IFT20: variants seen among roughly 807,000 people sequenced by gnomAD.
IFT20 encodes the protein intraflagellar transport 20.
A neutral mutation model predicts 16.9 loss-of-function variants in IFT20; 4 were observed. That is an observed-to-expected ratio of 0.24 (90% CI 0.12 to 0.54). The LOEUF is 0.54. Ranked by LOEUF, IFT20 falls within the 20% of genes least tolerant of loss-of-function variation. The pLI, the probability that IFT20 is intolerant of heterozygous loss-of-function variation, is 0.95. For synonymous variants in IFT20, 48 were observed against 49.9 expected (o/e 0.96, Z 0.16); for missense variants, 154 against 149.7 (o/e 1.03, Z -0.15).
intron 1 of IFT20, among the ~76,000 whole-genome samples, chr17:28,334,748 C>A (rs575171223): frequency 2.0e-5 from 3 of 152,180 alleles, no homozygotes; most frequent in Non-Finnish European, 4.4e-5. Context: ...AGGCTGGCAG[C>A]CGAACACAAG....
At chr17:28,331,828 C>G in intron 2 of IFT20, 31 bp downstream of exon 2, 2 of 1,613,706 alleles carry the variant, frequency 1.2e-6, no homozygotes, top group South Asian at 1.1e-5. Context: ...CAGCTCAAAG[C>G]TGAGTGGCAC....
intron 4 of IFT20, 67 bp from the exon 5 acceptor site, chr17:28,328,800 G>A (rs1906507705): frequency 2.1e-6 from 2 of 946,232 alleles, no homozygotes; most frequent in African/African-American, 3.3e-5. Context: ...AATTCTTCTA[G>A]AGAAGGATAT....
At chr17:28,334,133 G>A (rs3093718) in intron 1 of IFT20, among the ~76,000 whole-genome samples, 3,825 of 152,278 alleles carry the variant, frequency 0.025, 65 homozygotes, top group Non-Finnish European at 0.041. Flanking sequence ...CTGGACAGAT[G>A]GTAAAGAAAT....
At chr17:28,333,982 C>T (rs1290770310) in intron 1 of IFT20, among the ~76,000 whole-genome samples, 1 of 152,108 alleles carries the variant, frequency 6.6e-6, no homozygotes, top group African/African-American at 2.4e-5. Flanking sequence ...ATTAATCTGA[C>T]CAGCTGCTCC....
At chr17:28,334,797 G>C (rs1318937704) in intron 1 of IFT20, among the ~76,000 whole-genome samples, 12 of 152,216 alleles carry the variant, frequency 7.9e-5, no homozygotes, top group African/African-American at 2.7e-4. Context: ...GAGGTGATGG[G>C]GCTTAGCAAT....
rs1906542860 is a variant in IFT20, at chr17:28,329,070, T to A, written c.317+103A>T. The A allele has an allele frequency of 1.8e-5, 14 of 793,092 alleles. No individual in the cohort carries two copies. The East Asian group carries it at 3.6e-4, about 20-fold the overall frequency. The allele number at this position is 793,092 out of a possible 1,614,324, so 49.1% of individuals were successfully genotyped here. A position where few individuals can be genotyped will look rare whatever the true frequency, so the allele number is the denominator to read the frequency against. ...AGGATGACAAGTGAGATGCTATTCC[T>A]GGGAAAACAATGATGAAGAATAAGG... On this transcript the variant is annotated intron_variant, in intron 4 of 4. Transcript: ENST00000395418.
rs903625774 is a variant in IFT20 at position 28,328,548 on chromosome 17, G to A, written c.*104C>T. 1.4e-5 allele frequency: 10 copies of A among 734,178 alleles called. No homozygotes were observed. In the African/African-American group the frequency reaches 1.8e-4, roughly 13 times the overall value. The allele number at this position is 734,178 out of a possible 1,614,324, so 45.5% of individuals were successfully genotyped here. A position where few individuals can be genotyped will look rare whatever the true frequency, so the allele number is the denominator to read the frequency against. The stretch of plus-strand genomic sequence containing the variant: ...GCATTCCTTACACGCCACCTCTTGT[G>A]ACATAGGTCATTGGTCAAGCCGCTG... On this transcript the variant is annotated 3_prime_UTR_variant, in exon 5 of 5. Transcript: ENST00000395418.
chr17:28,331,689 A>G (rs1038328176), intron 2 of IFT20, 170 bp downstream of exon 2: 9 of 747,620 alleles, frequency 1.2e-5, no homozygotes, highest in Non-Finnish European at 2.0e-5. Context: ...TTGGGGACAC[A>G]TGAGAGCACA....
chr17:28,334,581 GA>G (rs1907008416), intron 1 of IFT20, among the ~76,000 whole-genome samples: 1 of 152,254 alleles, frequency 6.6e-6, no homozygotes, highest in African/African-American at 2.4e-5. Flanking sequence ...CAGCCTGAGA[GA>G]ACCGATTGGA....
chr17:28,328,905 C>T lies in IFT20; in HGVS notation c.318-172G>A, dbSNP rs1906521822. 27 of 634,982 alleles carry T rather than the reference C, an allele frequency of 4.3e-5. No homozygotes were observed. In the East Asian group the frequency reaches 7.4e-4, roughly 18 times the overall value. The allele number at this position is 634,982 out of a possible 1,614,324, so 39.3% of individuals were successfully genotyped here. The stretch of plus-strand genomic sequence containing the variant: ...AGAGCCACCCATGAGAAATCTCCAG[C>T]CCTAGGAAAGTCTTCTTTCAGAGAG... On this transcript the variant is annotated intron_variant, in intron 4 of 4. Coordinates refer to ENST00000395418, the MANE Select transcript of IFT20 (RefSeq NM_001267776.2).
intron 3 of IFT20, chr17:28,330,096 T>C: frequency 1.8e-6 from 1 of 548,980 alleles, no homozygotes; most frequent in South Asian, 2.4e-5. Flanking sequence ...CTCAGCTGGG[T>C]GTGGTGGCAC....
At chr17:28,332,737 C>CA (rs1441098392) in intron 1 of IFT20, 2 of 155,396 alleles carry the variant, frequency 1.3e-5, no homozygotes, top group African/African-American at 4.8e-5. Context: ...GCAGAAAACA[C>CA]AAAAAGGAAT....
At chr17:28,334,265 A>T (rs553570006) in intron 1 of IFT20, among the ~76,000 whole-genome samples, 1 of 152,246 alleles carries the variant, frequency 6.6e-6, no homozygotes, top group African/African-American at 2.4e-5. Flanking sequence ...TTCTGAAAAA[A>T]ATGACACTTA....
chr17:28,330,911 C>T (rs1906733803), intron 2 of IFT20, among the ~76,000 whole-genome samples: 1 of 152,202 alleles, frequency 6.6e-6, no homozygotes, highest in Admixed American at 6.5e-5. Flanking sequence ...CCCCACTGAG[C>T]CAGCCAGCCG....
chr17:28,332,501 A>G (rs1906855624), intron 1 of IFT20: 1 of 316,648 alleles, frequency 3.2e-6, no homozygotes, highest in African/African-American at 2.1e-5. Context: ...ATGTGAACTA[A>G]GTTGTAAGCC....
intron 1 of IFT20, chr17:28,332,396 G>T (rs1321892643): frequency 3.7e-6 from 2 of 547,102 alleles, no homozygotes; most frequent in Non-Finnish European, 6.5e-6. Context: ...GAAGAAGACA[G>T]ACACGGAAAC....
rs782123142 is a variant in IFT20, at chr17:28,330,463, C to T, written c.193G>A (p.Ala65Thr). 6.2e-7 allele frequency: 1 copy of T among 1,613,674 alleles called. No homozygotes were observed. Among genetic ancestry groups the T allele is most frequent in the Admixed American group, 1.7e-5 (1 of 60,022 alleles). ...IELVDQLAKE[A>T]ENEKMKAIGA... is the part of the protein sequence containing the mutation. ...CTTACCTTCATCTTTTCATTTTCTG[C>T]TTCTTTTGCAAGTTGATCAACAAGC... The change falls in exon 3 of 5, where the codon GCA becomes ACA. Residue 65 changes from alanine (A) to threonine (T), a missense_variant. Ala to Thr is a moderately conservative substitution (Grantham distance 58). Transcript: ENST00000395418.
In IFT20 at chr17:28,334,194, A is replaced by G. The variant is rs144695718; in HGVS notation, c.-3+1146T>C. On this transcript the variant is annotated intron_variant, in intron 1 of 4. Transcript: ENST00000395418. The stretch of plus-strand genomic sequence containing the variant: ...AGGAAAAGTACATGGTGCTGTGTGA[A>G]GTGCTGCAGGAGGACACAGTTCATG... 7.9e-4 allele frequency among the ~76,000 whole-genome samples: 121 copies of G among 152,382 alleles called. No homozygotes were observed. The East Asian group carries it at 0.021, about 26-fold the overall frequency.
At chr17:28,331,583 G>T in intron 2 of IFT20, 1 of 408,446 alleles carries the variant, frequency 2.4e-6, no homozygotes, top group Non-Finnish European at 4.5e-6. Context: ...TGTGTTCCCA[G>T]AAAGTTTAAG....
Sources: gnomAD v4.1 joint callset for allele counts (sites outside exome capture counted in the v4.1 genomes callset) on GRCh38, gnomAD v4.1.1 for gene constraint, MANE v1.5 for transcripts, NCBI Gene and HGNC (gene_info 2026-07-23, HGNC 2026-07-21) for gene names.